Variants in TENM2 observed in about 807,000 individuals in gnomAD.
TENM2 encodes the protein teneurin transmembrane protein 2.
A neutral mutation model predicts 245.2 loss-of-function variants in TENM2; 52 were observed. That is an observed-to-expected ratio of 0.21 (90% CI 0.17 to 0.27). TENM2 has a LOEUF of 0.27. Ranked by LOEUF, TENM2 falls within the 10% of genes least tolerant of loss-of-function variation. The probability of loss-of-function intolerance (pLI) is 1.00; values close to 1 mark genes in which losing one functional copy is unlikely to be tolerated. For synonymous variants in TENM2, 1,363 were observed against 1,438.9 expected (o/e 0.95, Z 1.19); for missense variants, 3,046 against 3,666.8 (o/e 0.83, Z 4.37).
chr5:168,226,243 C>A, exon 24 of TENM2: 1 of 1,613,354 alleles, frequency 6.2e-7, no homozygotes. Context: ...TCAGTAGAGG[C>A]CTCCTACACA....
chr5:168,105,057 A>G (rs1452405700), intron 9 of TENM2, among the ~76,000 whole-genome samples: 3 of 152,202 alleles, frequency 2.0e-5, no homozygotes, highest in Non-Finnish European at 4.4e-5. Context: ...CGGACTTTGA[A>G]TGCCATAGAC....
chr5:168,081,615 A>C (rs1396674799), intron 7 of TENM2, among the ~76,000 whole-genome samples: 1 of 152,148 alleles, frequency 6.6e-6, no homozygotes, highest in Non-Finnish European at 1.5e-5. Flanking sequence ...AGCTCTTGTA[A>C]GGCAGGCCTG....
chr5:167,199,835 T>C, the TENM2 span, among the ~76,000 whole-genome samples: 1 of 152,162 alleles, frequency 6.6e-6, no homozygotes, highest in Non-Finnish European at 1.5e-5. Flanking sequence ...TTTTAAATGC[T>C]GATGGAACAT....
intron 7 of TENM2, among the ~76,000 whole-genome samples, chr5:168,086,524 T>C (rs1159240161): frequency 1.3e-5 from 2 of 152,112 alleles, no homozygotes; most frequent in Non-Finnish European, 2.9e-5. Flanking sequence ...TTTGGGTTAT[T>C]GTGCTATCAT....
exon 10 of TENM2, chr5:168,118,456 G>T: frequency 6.3e-7 from 1 of 1,590,172 alleles, no homozygotes; most frequent in South Asian, 1.1e-5. Context: ...TGTCTGCTCT[G>T]CTGGCTACAA....
At chr5:167,894,714 G>A (rs559554110) in intron 3 of TENM2, among the ~76,000 whole-genome samples, 2 of 152,152 alleles carry the variant, frequency 1.3e-5, no homozygotes, top group African/African-American at 4.8e-5. Flanking sequence ...TCTGTTGGAT[G>A]GTTGACAAAT....
intron 25 of TENM2, among the ~76,000 whole-genome samples, chr5:168,237,000 ATTTTTTTTTTTTTTTTTT>A (rs1167021328): frequency 6.3e-4 from 4 of 6,318 alleles, no homozygotes; most frequent in South Asian, 0.024. Flanking sequence ...ATATATATAT[ATTTTTTTTTTTTTTTTTT>A]TTTTTTTTTT....
chr5:167,003,503 T>C, the TENM2 span, among the ~76,000 whole-genome samples: 94,075 of 152,052 alleles, frequency 0.62, 29,836 homozygotes, highest in African/African-American at 0.75. Flanking sequence ...TTAGTTGAAA[T>C]CACTTCATGG....
chr5:167,974,863 T>C (rs1298043520), intron 4 of TENM2, among the ~76,000 whole-genome samples: 1 of 152,092 alleles, frequency 6.6e-6, no homozygotes, highest in Admixed American at 6.5e-5. Flanking sequence ...CTCTATCACT[T>C]CTCTTCCCCC....
At chr5:167,960,317 T>C (rs1220842231) in intron 4 of TENM2, among the ~76,000 whole-genome samples, 2 of 152,208 alleles carry the variant, frequency 1.3e-5, no homozygotes, top group Non-Finnish European at 2.9e-5. Flanking sequence ...CCCCAGGTGC[T>C]CTGTCCCAGG....
intron 21 of TENM2, among the ~76,000 whole-genome samples, chr5:168,215,730 C>G (rs1467289894): frequency 2.0e-5 from 3 of 152,296 alleles, no homozygotes; most frequent in Non-Finnish European, 4.4e-5. Context: ...CACATAGGCT[C>G]CAAGTGGAAA....
At chr5:167,682,913 T>C (rs1756830528) in intron 2 of TENM2, among the ~76,000 whole-genome samples, 1 of 152,232 alleles carries the variant, frequency 6.6e-6, no homozygotes, top group African/African-American at 2.4e-5. Context: ...GGCTTTGTCC[T>C]TTGTTGTTTT....
intron 2 of TENM2, among the ~76,000 whole-genome samples, chr5:167,715,189 T>G (rs1046239794): frequency 2.7e-4 from 41 of 151,576 alleles, no homozygotes; most frequent in African/African-American, 9.5e-4. Context: ...TTGGGAAGGC[T>G]CAAGCAAAGA....
intron 1 of TENM2, among the ~76,000 whole-genome samples, chr5:167,329,663 A>G (rs1298660862): frequency 1.3e-5 from 2 of 151,596 alleles, no homozygotes; most frequent in African/African-American, 4.8e-5. Context: ...AGACATTGGA[A>G]TTAGGAAAAA....
chr5:167,000,007 TA>T, the TENM2 span, among the ~76,000 whole-genome samples: 1 of 152,068 alleles, frequency 6.6e-6, no homozygotes, highest in Non-Finnish European at 1.5e-5. Context: ...AGGAATGTTG[TA>T]AAACCAAGGC....
intron 2 of TENM2, among the ~76,000 whole-genome samples, chr5:167,672,012 A>G (rs1205843789): frequency 6.6e-5 from 10 of 152,012 alleles, no homozygotes; most frequent in South Asian, 6.2e-4. Context: ...CTGTGAAACT[A>G]GTGCTTGCAT....
intron 5 of TENM2, among the ~76,000 whole-genome samples, chr5:168,044,158 G>A (rs972738973): frequency 6.6e-6 from 1 of 152,212 alleles, no homozygotes; most frequent in Non-Finnish European, 1.5e-5. Flanking sequence ...GCTCACGCCT[G>A]TAATCCCAGC....
intron 7 of TENM2, chr5:168,085,207 C>T (rs1792343468): frequency 6.6e-6 from 1 of 152,112 alleles, no homozygotes; most frequent in African/African-American, 2.4e-5. Flanking sequence ...GTAGCAAGTG[C>T]CCAGGCAAAA....
chr5:167,010,922 A>C, the TENM2 span, among the ~76,000 whole-genome samples: 1 of 152,308 alleles, frequency 6.6e-6, no homozygotes, highest in East Asian at 1.9e-4. Context: ...CTTTATAAAT[A>C]TTACACCGTT....
Sources: allele counts gnomAD v4.1 joint callset (sites outside exome capture counted in the v4.1 genomes callset), GRCh38; gene constraint gnomAD v4.1.1; transcripts MANE v1.5; gene names NCBI Gene and HGNC (gene_info 2026-07-23, HGNC 2026-07-21).